Variants in SOBP observed in about 807,000 individuals in gnomAD.
The protein encoded by SOBP is sine oculis-binding protein homolog.
Under a neutral mutation model 53.6 loss-of-function variants are expected in SOBP, and 4 were observed. The observed-to-expected ratio is 0.07, with a 90% CI of 0.04 to 0.17. The LOEUF (loss-of-function observed/expected upper bound fraction) is 0.17. SOBP is among the 10% of genes least tolerant of loss of function. SOBP has a pLI of 1.00. For synonymous variants in SOBP, 584 were observed against 522.6 expected (o/e 1.12, Z -1.60); for missense variants, 1,088 against 1,204.7 (o/e 0.90, Z 1.43).
intron 1 of SOBP, among the ~76,000 whole-genome samples, chr6:107,491,222 G>A (rs932102609): frequency 6.6e-6 from 1 of 152,154 alleles, no homozygotes; most frequent in Admixed American, 6.5e-5. Context: ...GTCAGTGCCC[G>A]GCGAGCTGCG....
chr6:107,514,902 C>T (rs908972618), intron 3 of SOBP: 5 of 152,290 alleles, frequency 3.3e-5, no homozygotes, highest in South Asian at 2.1e-4. Context: ...ATAGTTATAA[C>T]AGCCAGAAGT....
chr6:107,540,553 T>C (rs770480913), intron 4 of SOBP, among the ~76,000 whole-genome samples: 11 of 152,242 alleles, frequency 7.2e-5, no homozygotes, highest in South Asian at 2.1e-4. Context: ...AACATCAGTC[T>C]ATTGCATTCT....
chr6:107,544,274 A>G (rs1412316094), intron 4 of SOBP, among the ~76,000 whole-genome samples: 1 of 152,224 alleles, frequency 6.6e-6, no homozygotes, highest in African/African-American at 2.4e-5. Flanking sequence ...TCAGGTGGCC[A>G]AAGGAGTAGA....
chr6:107,515,428 ATT>A (rs1160833785), intron 3 of SOBP, among the ~76,000 whole-genome samples: 1 of 152,218 alleles, frequency 6.6e-6, no homozygotes, highest in Non-Finnish European at 1.5e-5. Context: ...GGAAACAATA[ATT>A]TAGTGTAATT....
chr6:107,524,461 C>T (rs558315314), intron 3 of SOBP, among the ~76,000 whole-genome samples: 22 of 152,332 alleles, frequency 1.4e-4, no homozygotes, highest in African/African-American at 3.4e-4. Context: ...TGGCAGCCAG[C>T]CAGTGAACAT....
chr6:107,493,435 A>G (rs1468701550), intron 1 of SOBP, among the ~76,000 whole-genome samples: 3 of 152,214 alleles, frequency 2.0e-5, no homozygotes, highest in African/African-American at 7.2e-5. Context: ...AAAGGGGGAA[A>G]GAAGAGAGAG....
intron 4 of SOBP, among the ~76,000 whole-genome samples, chr6:107,558,560 G>A (rs896388517): frequency 1.6e-4 from 24 of 152,128 alleles, no homozygotes; most frequent in Non-Finnish European, 2.4e-4. Flanking sequence ...GAGCCACCGC[G>A]CCCGGCCTAA....
chr6:107,551,581 T>C (rs1784460634), intron 4 of SOBP, among the ~76,000 whole-genome samples: 1 of 152,168 alleles, frequency 6.6e-6, no homozygotes, highest in South Asian at 2.1e-4. Flanking sequence ...TTCAGAAGTG[T>C]TAAAATGTGA....
At chr6:107,555,110 T>C (rs1784571276) in intron 4 of SOBP, among the ~76,000 whole-genome samples, 3 of 151,612 alleles carry the variant, frequency 2.0e-5, no homozygotes, top group Admixed American at 2.0e-4. Context: ...CTGTCTGAAG[T>C]AGACTGTGCT....
intron 4 of SOBP, among the ~76,000 whole-genome samples, chr6:107,543,143 A>G (rs1487606291): frequency 2.0e-5 from 3 of 152,194 alleles, no homozygotes; most frequent in Admixed American, 1.3e-4. Context: ...CTCAACAATA[A>G]AAGATATCAT....
At chr6:107,512,874 C>T (rs1365865762) in intron 3 of SOBP, among the ~76,000 whole-genome samples, 1 of 152,172 alleles carries the variant, frequency 6.6e-6, no homozygotes, top group East Asian at 1.9e-4. Context: ...AGATCTGAGT[C>T]TTTTGACAGG....
At chr6:107,574,363 G>A (rs1056712802) in intron 4 of SOBP, among the ~76,000 whole-genome samples, 2 of 152,112 alleles carry the variant, frequency 1.3e-5, no homozygotes, top group African/African-American at 4.8e-5. Flanking sequence ...TCTGTGATTA[G>A]GCAAGAACCA....
intron 5 of SOBP, among the ~76,000 whole-genome samples, chr6:107,594,301 T>G (rs1211818944): frequency 6.6e-6 from 1 of 152,194 alleles, no homozygotes; most frequent in African/African-American, 2.4e-5. Context: ...TTGCTGTGAT[T>G]ATGATGATTT....
chr6:107,532,270 CACCA>C (rs1226379577), intron 3 of SOBP, among the ~76,000 whole-genome samples: 176 of 146,114 alleles, frequency 1.2e-3, no homozygotes, highest in African/African-American at 4.1e-3. Context: ...CACACACACA[CACCA>C]CACACACACA....
chr6:107,637,469 G>A (rs2115155259), intron 6 of SOBP, among the ~76,000 whole-genome samples: 1 of 152,360 alleles, frequency 6.6e-6, no homozygotes, highest in Middle Eastern at 3.4e-3. Flanking sequence ...TACAAGTTCT[G>A]CTGCCTGAAG....
chr6:107,655,372 CAGA>C (rs1477477274), intron 6 of SOBP, among the ~76,000 whole-genome samples: 1 of 152,142 alleles, frequency 6.6e-6, no homozygotes, highest in African/African-American at 2.4e-5. Context: ...CAGCCAGAGC[CAGA>C]AGGACAAATG....
intron 3 of SOBP, chr6:107,514,959 A>G (rs1783275313): frequency 6.6e-6 from 1 of 152,208 alleles, no homozygotes. Flanking sequence ...ATGATTGTTA[A>G]TTTTTACTTT....
At chr6:107,597,182 G>A (rs1785976811) in intron 5 of SOBP, among the ~76,000 whole-genome samples, 1 of 152,156 alleles carries the variant, frequency 6.6e-6, no homozygotes, top group African/African-American at 2.4e-5. Context: ...TTGAACGTGT[G>A]CTAGGATAAG....
In SOBP at chr6:107,547,160, A is replaced by T. The variant is rs557696091; in HGVS notation, c.573+13550A>T. On this transcript the variant is annotated intron_variant, in intron 4 of 6. Transcript: ENST00000317357. ...AAGAAACCCTTACAAATATATACAT[A>T]TAATGAGGTAACCTGACATCAGATG... 4.5e-4 allele frequency among the ~76,000 whole-genome samples: 69 copies of T among 152,342 alleles called. 1 individual carries two copies. Among genetic ancestry groups the T allele is most frequent in the Non-Finnish European group, 2.9e-5 (2 of 68,020 alleles).
Sources: allele counts gnomAD v4.1 joint callset (sites outside exome capture counted in the v4.1 genomes callset), GRCh38; gene constraint gnomAD v4.1.1; transcripts MANE v1.5; gene names NCBI Gene and HGNC (gene_info 2026-07-23, HGNC 2026-07-21).